DGKI: variants seen among roughly 807,000 people sequenced by gnomAD.
The protein encoded by DGKI is diacylglycerol kinase iota.
In DGKI, 55 loss-of-function variants were observed where a neutral mutation model predicts 147.5. The ratio of observed to expected loss-of-function variants is 0.37; its 90% CI spans 0.30 to 0.47. The LOEUF (loss-of-function observed/expected upper bound fraction) is 0.47. Among genes scored for constraint, DGKI ranks in the 20% least tolerant of loss-of-function variants. DGKI has a pLI of 1.00. For missense variants in DGKI, 1,007 were observed against 1,323.8 expected, an observed-to-expected ratio of 0.76 and a Z score of 3.71; for synonymous variants, 469 against 477.1, an observed-to-expected ratio of 0.98 and a Z score of 0.22.
At chr7:137,494,601 C>T (rs907989744) in intron 21 of DGKI, among the ~76,000 whole-genome samples, 2 of 152,080 alleles carry the variant, frequency 1.3e-5, no homozygotes, top group Non-Finnish European at 2.9e-5. Flanking sequence ...GAAATAAGAT[C>T]CTTTTCAGAG....
At chr7:137,532,254 T>C (rs935227925) in intron 20 of DGKI, among the ~76,000 whole-genome samples, 4 of 152,132 alleles carry the variant, frequency 2.6e-5, no homozygotes, top group Non-Finnish European at 5.9e-5. Context: ...TAGATCTGCA[T>C]TTCTAGGAAA....
chr7:137,773,088 A>T (rs1796257307), intron 1 of DGKI, among the ~76,000 whole-genome samples: 1 of 152,228 alleles, frequency 6.6e-6, no homozygotes, highest in African/African-American at 2.4e-5. Flanking sequence ...CCATGGGTCA[A>T]TTACATTATA....
At chr7:137,392,955 A>ATAGCTATATTAT (rs1811418913) in intron 32 of DGKI, among the ~76,000 whole-genome samples, 1 of 152,222 alleles carries the variant, frequency 6.6e-6, no homozygotes, top group Admixed American at 6.5e-5. Context: ...GTAATGAAGT[A>ATAGCTATATTAT]TAGCTATATT....
chr7:137,702,580 A>AT (rs565157986), intron 1 of DGKI, among the ~76,000 whole-genome samples: 1 of 152,192 alleles, frequency 6.6e-6, no homozygotes, highest in African/African-American at 2.4e-5. Context: ...AAGAACAGTG[A>AT]TTTTTGTGGC....
chr7:137,669,876 T>C (rs1387635847), intron 3 of DGKI, among the ~76,000 whole-genome samples: 1 of 151,996 alleles, frequency 6.6e-6, no homozygotes, highest in African/African-American at 2.4e-5. Context: ...CAGAGACGAG[T>C]ATGAGTCCTA....
At chr7:137,638,526 A>G (rs1265151268) in intron 6 of DGKI, among the ~76,000 whole-genome samples, 2 of 105,928 alleles carry the variant, frequency 1.9e-5, no homozygotes, top group Non-Finnish European at 3.7e-5. Flanking sequence ...GTATATATAT[A>G]CACACACATA....
chr7:137,624,170 G>T (rs374893962), intron 6 of DGKI, among the ~76,000 whole-genome samples: 9 of 152,152 alleles, frequency 5.9e-5, no homozygotes, highest in African/African-American at 1.7e-4. Flanking sequence ...TCCTCTTAAA[G>T]GAACAAACTG....
At chr7:137,748,130 C>T (rs1207943190) in intron 1 of DGKI, among the ~76,000 whole-genome samples, 1 of 152,076 alleles carries the variant, frequency 6.6e-6, no homozygotes, top group Non-Finnish European at 1.5e-5. Flanking sequence ...ATTATCATCC[C>T]TGAACATTGG....
chr7:137,718,356 C>A (rs1450375160), intron 1 of DGKI, among the ~76,000 whole-genome samples: 1 of 152,122 alleles, frequency 6.6e-6, no homozygotes, highest in Non-Finnish European at 1.5e-5. Flanking sequence ...GGATTTGAAC[C>A]CAAAGGTGGC....
chr7:137,408,865 A>G (rs1418869818), intron 29 of DGKI, among the ~76,000 whole-genome samples: 1 of 152,248 alleles, frequency 6.6e-6, no homozygotes, highest in Non-Finnish European at 1.5e-5. Flanking sequence ...GCCTGCATGA[A>G]GCTTCTAACA....
intron 20 of DGKI, among the ~76,000 whole-genome samples, chr7:137,523,835 T>A (rs982413796): frequency 2.0e-5 from 3 of 151,776 alleles, no homozygotes; most frequent in Non-Finnish European, 4.4e-5. Flanking sequence ...ACTCACAATA[T>A]CATTTACAGG....
At chr7:137,425,401 A>C (rs1160472832) in intron 28 of DGKI, among the ~76,000 whole-genome samples, 2 of 152,200 alleles carry the variant, frequency 1.3e-5, no homozygotes, top group South Asian at 2.1e-4. Context: ...CCATCTGTAC[A>C]TCACCATCAT....
intron 28 of DGKI, among the ~76,000 whole-genome samples, chr7:137,415,345 C>T (rs1731964): frequency 0.94 from 142,737 of 152,246 alleles, 67,573 homozygotes; most frequent in East Asian, 1. Flanking sequence ...ATAGCATTTG[C>T]ATTAGATTAG....
At chr7:137,630,309 C>T (rs76011637) in intron 6 of DGKI, among the ~76,000 whole-genome samples, 117 of 152,162 alleles carry the variant, frequency 7.7e-4, no homozygotes, top group African/African-American at 2.5e-3. Flanking sequence ...ATTCTAAATT[C>T]CTCCATTCTA....
chr7:137,577,739 AT>A (rs1263136636), intron 16 of DGKI, among the ~76,000 whole-genome samples: 4 of 152,128 alleles, frequency 2.6e-5, no homozygotes, highest in Non-Finnish European at 1.5e-5. Flanking sequence ...CTGTACTGAT[AT>A]TTTGGATGCC....
intron 20 of DGKI, among the ~76,000 whole-genome samples, chr7:137,538,491 A>G (rs947498744): frequency 6.6e-6 from 1 of 152,158 alleles, no homozygotes; most frequent in African/African-American, 2.4e-5. Context: ...GACCCACACA[A>G]TTTAGCAGTG....
At chr7:137,723,594 A>G (rs1794629826) in intron 1 of DGKI, among the ~76,000 whole-genome samples, 1 of 152,150 alleles carries the variant, frequency 6.6e-6, no homozygotes, top group African/African-American at 2.4e-5. Context: ...TCAAACAACA[A>G]ACAAATACAC....
At chr7:137,543,026 G>A (rs1212437291) in intron 20 of DGKI, among the ~76,000 whole-genome samples, 2 of 152,156 alleles carry the variant, frequency 1.3e-5, no homozygotes, top group Non-Finnish European at 2.9e-5. Flanking sequence ...ATTTCATTTT[G>A]ATGGGGGAAG....
At chr7:137,431,465 C>A (rs1813069026) in intron 28 of DGKI, among the ~76,000 whole-genome samples, 1 of 152,068 alleles carries the variant, frequency 6.6e-6, no homozygotes. Context: ...AAGCTGCCTG[C>A]CTGCAATATT....
Sources: gnomAD v4.1 joint callset for allele counts (sites outside exome capture counted in the v4.1 genomes callset) on GRCh38, gnomAD v4.1.1 for gene constraint, MANE v1.5 for transcripts, NCBI Gene and HGNC (gene_info 2026-07-23, HGNC 2026-07-21) for gene names.